The following PDK1 variants were observed in gnomAD, a reference collection of about 807,000 sequenced individuals.
PDK1 encodes the protein [Pyruvate dehydrogenase (acetyl-transferring)] kinase isozyme 1, mitochondrial.
A neutral mutation model predicts 54.2 loss-of-function variants in PDK1; 39 were observed. The ratio of observed to expected loss-of-function variants is 0.72; its 90% CI spans 0.56 to 0.94. The LOEUF (loss-of-function observed/expected upper bound fraction) is 0.94, where lower values mean the gene tolerates loss of function less well. Among genes scored for constraint, PDK1 ranks in the 40% least tolerant of loss-of-function variants. The probability of loss-of-function intolerance (pLI) is 0.00; values close to 1 mark genes in which losing one functional copy is unlikely to be tolerated. For missense variants in PDK1, 552 were observed against 566.0 expected (o/e 0.98, Z 0.25); for synonymous variants, 221 against 207.1 (o/e 1.07, Z -0.58).
chr2:172,661,317 TA>T, the PDK1 span, among the ~76,000 whole-genome samples: 1 of 152,222 alleles, frequency 6.6e-6, no homozygotes, highest in Non-Finnish European at 1.5e-5. Context: ...CATTATTGTA[TA>T]AATTATATAA....
the PDK1 span, among the ~76,000 whole-genome samples, chr2:172,641,002 TTTTC>T: frequency 0.092 from 2,394 of 26,026 alleles, 64 homozygotes; most frequent in African/African-American, 0.11. Context: ...TTTCTTTTTC[TTTTC>T]TTTCTTTCTT....
chr2:172,646,686 TC>T, the PDK1 span, among the ~76,000 whole-genome samples: 1 of 150,968 alleles, frequency 6.6e-6, no homozygotes, highest in African/African-American at 2.4e-5. Context: ...TTAGGCTCTG[TC>T]CCCAGAGATT....
At chr2:172,633,627 A>G in the PDK1 span, among the ~76,000 whole-genome samples, 1 of 150,816 alleles carries the variant, frequency 6.6e-6, no homozygotes. Context: ...AAACTCCCAT[A>G]AGCCAGCCTT....
At chr2:172,694,881 C>T in the PDK1 span, among the ~76,000 whole-genome samples, 1 of 152,294 alleles carries the variant, frequency 6.6e-6, no homozygotes, top group African/African-American at 2.4e-5. Flanking sequence ...CTTTGGTAGA[C>T]CAAGGCGGGT....
the PDK1 span, among the ~76,000 whole-genome samples, chr2:172,656,492 T>C: frequency 6.6e-6 from 1 of 152,164 alleles, no homozygotes; most frequent in South Asian, 2.1e-4. Flanking sequence ...GAGTTGAGTA[T>C]TTTTCTTCCC....
At chr2:172,586,880 C>T (rs1690259376) in intron 9 of PDK1, among the ~76,000 whole-genome samples, 1 of 152,128 alleles carries the variant, frequency 6.6e-6, no homozygotes, top group African/African-American at 2.4e-5. Context: ...TTTTGTTAAT[C>T]TTAGTTCCAC....
At chr2:172,637,459 A>C in the PDK1 span, among the ~76,000 whole-genome samples, 4 of 152,206 alleles carry the variant, frequency 2.6e-5, no homozygotes, top group Non-Finnish European at 5.9e-5. Flanking sequence ...TTCTTTTATC[A>C]AGGATAAATA....
chr2:172,711,967 TTTG>T, the PDK1 span, among the ~76,000 whole-genome samples: 4 of 151,670 alleles, frequency 2.6e-5, no homozygotes, highest in South Asian at 2.1e-4. Context: ...GTCTTATATT[TTTG>T]TTGTTGTTAA....
At chr2:172,657,969 A>G in the PDK1 span, among the ~76,000 whole-genome samples, 4 of 152,318 alleles carry the variant, frequency 2.6e-5, no homozygotes, top group South Asian at 8.3e-4. Context: ...GGGAACTGGC[A>G]TGTGCAGAGA....
At chr2:172,617,414 C>T in the PDK1 span, among the ~76,000 whole-genome samples, 556 of 152,164 alleles carry the variant, frequency 3.7e-3, no homozygotes, top group Admixed American at 6.9e-3. Flanking sequence ...AAGATTCAGA[C>T]TGAGTAATCT....
At chr2:172,581,855 G>A (rs1689927524) in intron 8 of PDK1, among the ~76,000 whole-genome samples, 1 of 152,142 alleles carries the variant, frequency 6.6e-6, no homozygotes, top group Admixed American at 6.5e-5. Flanking sequence ...TTTCAATTCT[G>A]TGTTTAGTAT....
chr2:172,638,596 A>G, the PDK1 span, among the ~76,000 whole-genome samples: 1 of 152,228 alleles, frequency 6.6e-6, no homozygotes, highest in Admixed American at 6.5e-5. Flanking sequence ...TCTTATTGAG[A>G]GGTGAAGCTG....
At chr2:172,563,790 C>G (rs889004829) in intron 3 of PDK1, among the ~76,000 whole-genome samples, 7 of 151,804 alleles carry the variant, frequency 4.6e-5, no homozygotes, top group Admixed American at 3.9e-4. Flanking sequence ...GCCGAGATTG[C>G]GCCATTGCTC....
the PDK1 span, among the ~76,000 whole-genome samples, chr2:172,719,960 G>A: frequency 1.3e-5 from 2 of 152,178 alleles, no homozygotes; most frequent in Non-Finnish European, 2.9e-5. Context: ...TTGCAGGACA[G>A]CAGAGGCTGA....
rs1283449041 is a variant in PDK1 at position 172,606,571 on chromosome 2, A to G, written c.*10602A>G. The G allele has an allele frequency of 6.6e-6, 1 of 152,122 alleles. No homozygotes were observed. The highest frequency in any genetic ancestry group is 2.4e-5 in the African/African-American group (1 of 41,416). 9.4% of individuals were successfully genotyped at this position (152,122 alleles called of 1,614,324 possible). A position where few individuals can be genotyped will look rare whatever the true frequency, so the allele number is the denominator to read the frequency against. On this transcript the variant is annotated 3_prime_UTR_variant, in exon 11 of 11. Coordinates refer to ENST00000282077, the MANE Select transcript of PDK1 (RefSeq NM_002610.5). Reference sequence around the variant, plus strand: ...TGCTGTCATGAGTTTTGCCATATGTATCATCTGGCTTTCAGAGGACCTTTC... The same window carrying G: ...TGCTGTCATGAGTTTTGCCATATGTGTCATCTGGCTTTCAGAGGACCTTTC...
chr2:172,641,967 C>T, the PDK1 span, among the ~76,000 whole-genome samples: 11,385 of 152,032 alleles, frequency 0.075, 1,066 homozygotes, highest in African/African-American at 0.22. Context: ...AGGCTGCTGG[C>T]GAGCCTTTCA....
chr2:172,579,892 A>T, intron 8 of PDK1, among the ~76,000 whole-genome samples: 2 of 150,000 alleles, frequency 1.3e-5, no homozygotes. Context: ...TCATGACATC[A>T]CTCCCTGTTT....
chr2:172,595,760 G>T, intron 10 of PDK1, 69 bp from the exon 11 acceptor site: 1 of 1,341,072 alleles, frequency 7.5e-7, no homozygotes, highest in African/African-American at 1.5e-5. Flanking sequence ...TTTTGCCATT[G>T]TCTATTTTCT....
At chr2:172,661,748 C>T in the PDK1 span, among the ~76,000 whole-genome samples, 1 of 152,156 alleles carries the variant, frequency 6.6e-6, no homozygotes, top group Non-Finnish European at 1.5e-5. Flanking sequence ...GGGAGCTAGA[C>T]ATGAGTTACA....
Sources: gnomAD v4.1 joint callset for allele counts (sites outside exome capture counted in the v4.1 genomes callset) on GRCh38, gnomAD v4.1.1 for gene constraint, MANE v1.5 for transcripts, NCBI Gene and HGNC (gene_info 2026-07-23, HGNC 2026-07-21) for gene names.